MRTFA: variants seen among roughly 807,000 people sequenced by gnomAD.
MRTFA encodes the protein myocardin-related transcription factor A.
A neutral mutation model predicts 83.5 loss-of-function variants in MRTFA; 20 were observed. The observed-to-expected ratio is 0.24, with a 90% CI of 0.17 to 0.35. The LOEUF is 0.35. Ranked by LOEUF, MRTFA falls within the 10% of genes least tolerant of loss-of-function variation. The probability of loss-of-function intolerance (pLI) is 1.00; values close to 1 mark genes in which losing one functional copy is unlikely to be tolerated. For synonymous variants in MRTFA, 659 were observed against 541.2 expected (o/e 1.22, Z -3.02); for missense variants, 1,200 against 1,224.7 (o/e 0.98, Z 0.30).
chr22:40,439,787 C>T, intron 4 of MRTFA, among the ~76,000 whole-genome samples: 1 of 152,158 alleles, frequency 6.6e-6, no homozygotes, highest in East Asian at 1.9e-4. Flanking sequence ...GGCACTGATA[C>T]TAGAAGACAA....
intron 2 of MRTFA, among the ~76,000 whole-genome samples, chr22:40,581,723 C>G (rs2055950079): frequency 6.6e-6 from 1 of 151,948 alleles, no homozygotes; most frequent in African/African-American, 2.4e-5. Context: ...TTTAATCCTA[C>G]AATAGGAAAA....
At chr22:40,567,844 T>C (rs184124977) in intron 2 of MRTFA, among the ~76,000 whole-genome samples, 20 of 152,324 alleles carry the variant, frequency 1.3e-4, no homozygotes, top group Admixed American at 2.6e-4. Flanking sequence ...ACAGCCCTAT[T>C]TTCCAGTGCC....
intron 1 of MRTFA, among the ~76,000 whole-genome samples, chr22:40,627,582 C>T (rs1286538045): frequency 2.0e-5 from 3 of 152,182 alleles, no homozygotes; most frequent in Admixed American, 1.3e-4. Flanking sequence ...CTGACATTTT[C>T]GCTAACTATG....
intron 3 of MRTFA, among the ~76,000 whole-genome samples, chr22:40,548,777 T>C (rs2055404753): frequency 1.3e-5 from 2 of 152,064 alleles, no homozygotes; most frequent in East Asian, 1.9e-4. Context: ...GGCAGGAGAA[T>C]TACTTGAACC....
chr22:40,555,639 A>AT (rs2055510571), intron 2 of MRTFA, among the ~76,000 whole-genome samples: 3 of 147,286 alleles, frequency 2.0e-5, no homozygotes, highest in Non-Finnish European at 4.6e-5. Context: ...TAGTAAGAAT[A>AT]ATTTTTTTTT....
At chr22:40,444,086 T>C (rs1192588217) in intron 4 of MRTFA, among the ~76,000 whole-genome samples, 1 of 152,194 alleles carries the variant, frequency 6.6e-6, no homozygotes, top group African/African-American at 2.4e-5. Context: ...CATAACGAGA[T>C]GGCACCATCC....
intron 3 of MRTFA, among the ~76,000 whole-genome samples, chr22:40,499,859 C>T (rs959910073): frequency 6.6e-6 from 1 of 150,918 alleles, no homozygotes; most frequent in African/African-American, 2.4e-5. Context: ...ACACTTCAGC[C>T]CAAAAACAAG....
chr22:40,466,923 C>G (rs958358497), intron 3 of MRTFA, among the ~76,000 whole-genome samples: 1 of 151,572 alleles, frequency 6.6e-6, no homozygotes, highest in Non-Finnish European at 1.5e-5. Context: ...GCATATTCAG[C>G]TTATATATAC....
intron 4 of MRTFA, among the ~76,000 whole-genome samples, chr22:40,444,483 A>G (rs755413833): frequency 4.6e-5 from 7 of 152,222 alleles, no homozygotes; most frequent in Non-Finnish European, 8.8e-5. Flanking sequence ...GATAACTGGA[A>G]AAAAATTTAT....
chr22:40,431,576 G>A, intron 5 of MRTFA, 96 bp from the exon 6 acceptor site: 1 of 1,143,834 alleles, frequency 8.7e-7, no homozygotes, highest in Non-Finnish European at 1.3e-6. Context: ...GGTAGCTGCT[G>A]ACCACCTCTG....
At chr22:40,480,034 A>G (rs1287354687) in intron 3 of MRTFA, among the ~76,000 whole-genome samples, 2 of 152,194 alleles carry the variant, frequency 1.3e-5, no homozygotes, top group Non-Finnish European at 2.9e-5. Flanking sequence ...GTAATAACTT[A>G]TAAAATGGTG....
chr22:40,590,989 G>C (rs571803295), intron 2 of MRTFA, among the ~76,000 whole-genome samples: 11 of 152,148 alleles, frequency 7.2e-5, no homozygotes, highest in African/African-American at 2.4e-4. Context: ...CAAAAAATTA[G>C]CCGGGCGTGG....
At chr22:40,495,931 TG>T (rs745693611) in intron 3 of MRTFA, among the ~76,000 whole-genome samples, 4 of 151,212 alleles carry the variant, frequency 2.6e-5, no homozygotes, top group Non-Finnish European at 5.9e-5. Flanking sequence ...CCGGGTGTGG[TG>T]GCACACGCCT....
chr22:40,559,393 GA>G (rs1286769809), intron 2 of MRTFA, among the ~76,000 whole-genome samples: 1 of 151,716 alleles, frequency 6.6e-6, no homozygotes, highest in Non-Finnish European at 1.5e-5. Flanking sequence ...TCCCAGGGAG[GA>G]AAAAATGGTG....
At position 40,438,205 on chromosome 22, in the gene MRTFA, C is replaced by G. The variant is rs148245376; in HGVS notation, c.308-2651G>C. ...TCTAATTTTCTTCCAGAGTGAGAAT[C>G]TGCCCACCTCTCAGAACCCTTGTAA... On this transcript the variant is annotated intron_variant, in intron 4 of 14. Transcript: ENST00000355630. Among the ~76,000 whole-genome samples, 443 of 152,294 alleles carry G rather than the reference C, an allele frequency of 2.9e-3. 3 individuals are homozygous for G. Among genetic ancestry groups the G allele is most frequent in the African/African-American group, 0.01 (424 of 41,558 alleles).
chr22:40,588,317 G>A (rs1318810167), intron 2 of MRTFA, among the ~76,000 whole-genome samples: 3 of 152,118 alleles, frequency 2.0e-5, no homozygotes, highest in Non-Finnish European at 2.9e-5. Context: ...GTGAGCCACC[G>A]CGCCCAGCCT....
chr22:40,514,422 T>C (rs2054721535), intron 3 of MRTFA, among the ~76,000 whole-genome samples: 1 of 151,240 alleles, frequency 6.6e-6, no homozygotes, highest in Non-Finnish European at 1.5e-5. Context: ...TTAAAATGAA[T>C]GGTGGGGAGG....
chr22:40,426,778 A>G (rs1456577632), intron 7 of MRTFA, among the ~76,000 whole-genome samples: 1 of 152,178 alleles, frequency 6.6e-6, no homozygotes, highest in Non-Finnish European at 1.5e-5. Context: ...TGACACACAC[A>G]TATCCATTGT....
chr22:40,594,334 C>A (rs1569344146), intron 2 of MRTFA, among the ~76,000 whole-genome samples: 1 of 152,144 alleles, frequency 6.6e-6, no homozygotes, highest in Non-Finnish European at 1.5e-5. Context: ...CATAATGGCT[C>A]CAACACAAAA....
Sources: allele counts gnomAD v4.1 joint callset (sites outside exome capture counted in the v4.1 genomes callset), GRCh38; gene constraint gnomAD v4.1.1; transcripts MANE v1.5; gene names NCBI Gene and HGNC (gene_info 2026-07-23, HGNC 2026-07-21).